NPR3: variants seen among roughly 807,000 people sequenced by gnomAD.
NPR3 encodes the protein natriuretic peptide receptor 3, also known as atrial natriuretic peptide receptor 3.
Under a neutral mutation model 54.5 loss-of-function variants are expected in NPR3, and 34 were observed. The observed-to-expected ratio is 0.62, with a 90% CI of 0.47 to 0.83. The LOEUF is 0.83. NPR3 is among the 40% of genes least tolerant of loss of function. The pLI is 0.00. For synonymous variants in NPR3, 289 were observed against 297.1 expected, an observed-to-expected ratio of 0.97 and a Z score of 0.28; for missense variants, 674 against 720.8, an observed-to-expected ratio of 0.94 and a Z score of 0.74.
chr5:32,786,678 T>A lies in NPR3; in HGVS notation c.*333T>A, dbSNP rs1742651851. The A allele has an allele frequency of 4.7e-6, 1 of 212,578 alleles. No individual in the cohort carries two copies. The highest frequency in any genetic ancestry group is 1.1e-4 in the South Asian group (1 of 9,290). 13.2% of individuals were successfully genotyped at this position (212,578 alleles called of 1,614,324 possible). A position where few individuals can be genotyped will look rare whatever the true frequency, so the allele number is the denominator to read the frequency against. The stretch of plus-strand genomic sequence containing the variant: ...CTTTTGGGAGCATTTCACACAAGGA[T>A]ATAAAATGCGGTTTTCTTAAATGAA... On this transcript the variant is annotated 3_prime_UTR_variant, in exon 8 of 8. Coordinates refer to ENST00000265074, the MANE Select transcript of NPR3 (RefSeq NM_001204375.2).
chr5:32,750,952 T>C (rs1247666183), intron 3 of NPR3, among the ~76,000 whole-genome samples: 2 of 152,354 alleles, frequency 1.3e-5, no homozygotes, highest in African/African-American at 4.8e-5. Context: ...TCTTGGTATA[T>C]GAAGACTGTT....
intron 3 of NPR3, among the ~76,000 whole-genome samples, chr5:32,741,771 C>CT (rs201317249): frequency 0.13 from 19,429 of 146,048 alleles, 1,320 homozygotes; most frequent in East Asian, 0.23. Context: ...GGGGCTTTTT[C>CT]TTTTTTTTTT....
chr5:32,759,247 T>C (rs963058527), intron 3 of NPR3, among the ~76,000 whole-genome samples: 1 of 151,586 alleles, frequency 6.6e-6, no homozygotes, highest in Non-Finnish European at 1.5e-5. Context: ...CTAAGTCTCT[T>C]TGTAGATCTC....
rs567858119 is a variant in NPR3, at chr5:32,788,931, G to A, written c.*2586G>A. 1 of 152,382 alleles carries A rather than the reference G, an allele frequency of 6.6e-6. No homozygotes were observed. Among genetic ancestry groups the A allele is most frequent in the South Asian group, 2.1e-4 (1 of 4,832 alleles). The allele number at this position is 152,382 out of a possible 1,614,324, so 9.4% of individuals were successfully genotyped here. The stretch of plus-strand genomic sequence containing the variant: ...AAAATTCCATTAAGTTGGAAACCTT[G>A]GTTAAAAATGTAGGTGCCTGGCCCA... On this transcript the variant is annotated 3_prime_UTR_variant, in exon 8 of 8. Coordinates refer to ENST00000265074, the MANE Select transcript of NPR3 (RefSeq NM_001204375.2).
In NPR3 at chr5:32,784,835, T is replaced by C; in HGVS notation, c.1466T>C (p.Val489Ala). Residue 489 changes from valine (V) to alanine (A), a missense_variant, in exon 7 of 8, where the codon GTG (valine) becomes GCG (alanine). Physicochemically the swap from Val to Ala is moderately conservative, Grantham distance 64. Coordinates refer to ENST00000265074, the MANE Select transcript of NPR3 (RefSeq NM_001204375.2). ...GAATCGGCAGTGACAGGAATTGTCG[T>C]GGGGGCTTTACTAGGAGCTGGCTTG... Reference protein sequence around the residue: ...LEESAVTGIVVGALLGAGLLM... With the variant: ...LEESAVTGIVAGALLGAGLLM... 2 of 1,613,840 alleles carry C rather than the reference T, an allele frequency of 1.2e-6. No individual in the cohort carries two copies. The highest frequency in any genetic ancestry group is 8.5e-7 in the Non-Finnish European group (1 of 1,179,814).
chr5:32,752,976 A>G (rs530470811), intron 3 of NPR3, among the ~76,000 whole-genome samples: 2 of 152,368 alleles, frequency 1.3e-5, no homozygotes, highest in East Asian at 1.9e-4. Flanking sequence ...GAACTTGGGA[A>G]TCTCCTGATT....
intron 3 of NPR3, among the ~76,000 whole-genome samples, chr5:32,747,198 C>A (rs191290715): frequency 1.6e-4 from 25 of 152,218 alleles, no homozygotes; most frequent in Middle Eastern, 6.8e-3. Context: ...AATTGATTAT[C>A]CATATTGCTG....
At chr5:32,694,242 C>T (rs578094452) in intron 1 of NPR3, among the ~76,000 whole-genome samples, 1 of 152,292 alleles carries the variant, frequency 6.6e-6, no homozygotes, top group African/African-American at 2.4e-5. Context: ...AAAGGGTTCC[C>T]CCAGGGAAGC....
At chr5:32,713,999 C>T (rs893899573) in intron 1 of NPR3, among the ~76,000 whole-genome samples, 9 of 151,208 alleles carry the variant, frequency 6.0e-5, no homozygotes, top group South Asian at 4.2e-4. Flanking sequence ...ACGCCTGCCA[C>T]GCCTCGGCAA....
upstream of NPR3, among the ~76,000 whole-genome samples, chr5:32,704,435 C>T (rs939107896): frequency 2.0e-5 from 3 of 150,090 alleles, no homozygotes; most frequent in South Asian, 2.1e-4. Flanking sequence ...CCTGTGGGGA[C>T]GACAACTGGT....
At chr5:32,742,167 C>T (rs1740071358) in intron 3 of NPR3, among the ~76,000 whole-genome samples, 1 of 152,062 alleles carries the variant, frequency 6.6e-6, no homozygotes, top group African/African-American at 2.4e-5. Flanking sequence ...CCATCATGAG[C>T]TCTTCGTTCT....
At chr5:32,744,360 G>C (rs1191024660) in intron 3 of NPR3, among the ~76,000 whole-genome samples, 1 of 152,130 alleles carries the variant, frequency 6.6e-6, no homozygotes, top group Non-Finnish European at 1.5e-5. Flanking sequence ...AAATACGCAG[G>C]CTTGGGATTT....
At chr5:32,755,765 T>C (rs940340383) in intron 3 of NPR3, among the ~76,000 whole-genome samples, 6 of 152,234 alleles carry the variant, frequency 3.9e-5, no homozygotes, top group Non-Finnish European at 2.9e-5. Context: ...CCAAGTTCTA[T>C]ACCTACATTG....
At chr5:32,722,607 G>T (rs1486543470) in intron 1 of NPR3, among the ~76,000 whole-genome samples, 3 of 152,158 alleles carry the variant, frequency 2.0e-5, no homozygotes, top group African/African-American at 7.2e-5. Flanking sequence ...GAAAAATGAT[G>T]AGGGCTGCTT....
intron 1 of NPR3, among the ~76,000 whole-genome samples, chr5:32,696,533 T>G (rs1740536682): frequency 6.6e-6 from 1 of 152,156 alleles, no homozygotes; most frequent in Non-Finnish European, 1.5e-5. Context: ...TTTCTAGGTC[T>G]GTGAAGAATG....
At chr5:32,781,997 A>G (rs1287449874) in intron 5 of NPR3, among the ~76,000 whole-genome samples, 1 of 152,180 alleles carries the variant, frequency 6.6e-6, no homozygotes, top group Non-Finnish European at 1.5e-5. Context: ...ATGACTTCCA[A>G]GAACCTGGGT....
chr5:32,711,672 G>A lies in NPR3; in HGVS notation c.-105G>A. Reference sequence around the variant, plus strand: ...TTCTATTTTGTTAAAGCGCCCAAGGGGGCGCAGGGACCTTGGAGAGAAGAG... The same window carrying A: ...TTCTATTTTGTTAAAGCGCCCAAGGAGGCGCAGGGACCTTGGAGAGAAGAG... On this transcript the variant is annotated 5_prime_UTR_variant, in exon 1 of 8. Transcript: ENST00000265074. 7.6e-7 allele frequency: 1 copy of A among 1,318,072 alleles called. No homozygotes were observed. The highest frequency in any genetic ancestry group is 9.6e-7 in the Non-Finnish European group (1 of 1,037,254). 81.6% of individuals were successfully genotyped at this position (1,318,072 alleles called of 1,614,324 possible).
chr5:32,714,414 C>G (rs776361446), intron 1 of NPR3, among the ~76,000 whole-genome samples: 2 of 151,970 alleles, frequency 1.3e-5, no homozygotes, highest in Non-Finnish European at 2.9e-5. Flanking sequence ...GGGACTGGTG[C>G]GCCCCGGGCT....
intron 3 of NPR3, among the ~76,000 whole-genome samples, chr5:32,763,167 C>T (rs555314620): frequency 6.6e-6 from 1 of 152,218 alleles, no homozygotes; most frequent in East Asian, 1.9e-4. Context: ...TTTCTGAGGC[C>T]TCTGTTCTGT....
Sources: gnomAD v4.1 joint callset for allele counts (sites outside exome capture counted in the v4.1 genomes callset) on GRCh38, gnomAD v4.1.1 for gene constraint, MANE v1.5 for transcripts, NCBI Gene and HGNC (gene_info 2026-07-23, HGNC 2026-07-21) for gene names.